The following ZNF385D variants were observed in gnomAD, a reference collection of about 807,000 sequenced individuals.
ZNF385D encodes the protein zinc finger protein 385D.
Under a neutral mutation model 35.8 loss-of-function variants are expected in ZNF385D, and 15 were observed. That is an observed-to-expected ratio of 0.42 (90% confidence interval 0.28 to 0.64). The LOEUF (loss-of-function observed/expected upper bound fraction) is 0.64, where lower values mean the gene tolerates loss of function less well. ZNF385D is among the 30% of genes least tolerant of loss of function. The pLI, the probability that ZNF385D is intolerant of heterozygous loss-of-function variation, is 0.23. For synonymous variants in ZNF385D, 212 were observed against 186.8 expected, an observed-to-expected ratio of 1.13 and a Z score of -1.10; for missense variants, 474 against 494.6, an observed-to-expected ratio of 0.96 and a Z score of 0.39.
At chr3:21,596,125 A>C (rs79680390) in intron 2 of ZNF385D, among the ~76,000 whole-genome samples, 194 of 152,330 alleles carry the variant, frequency 1.3e-3, no homozygotes, top group African/African-American at 4.4e-3. Flanking sequence ...TTTGTGTTTT[A>C]ACTAAAAGAA....
chr3:21,793,077 G>C (rs1445936563), intron 3 of ZNF385D, among the ~76,000 whole-genome samples: 1 of 152,160 alleles, frequency 6.6e-6, no homozygotes, highest in Non-Finnish European at 1.5e-5. Flanking sequence ...TTCTAAATGA[G>C]ATAATTTGTG....
At chr3:21,903,276 AACAG>A (rs1052608526) in intron 3 of ZNF385D, among the ~76,000 whole-genome samples, 9 of 152,268 alleles carry the variant, frequency 5.9e-5, no homozygotes, top group Non-Finnish European at 1.2e-4. Context: ...TTCTCTTTCA[AACAG>A]ACTATTATAG....
chr3:22,298,388 G>C (rs1306045282), intron 2 of ZNF385D, among the ~76,000 whole-genome samples: 2 of 142,786 alleles, frequency 1.4e-5, no homozygotes, highest in African/African-American at 2.5e-5. Context: ...GTGTGTGTGT[G>C]TGTGTGTATA....
intron 3 of ZNF385D, among the ~76,000 whole-genome samples, chr3:22,087,718 T>TTTATTTTAGCTTG (rs1210423312): frequency 6.6e-6 from 1 of 152,190 alleles, no homozygotes; most frequent in Non-Finnish European, 1.5e-5. Context: ...TGGGTTTTGT[T>TTTATTTTAGCTTG]ACTTGAAGTC....
At chr3:21,854,720 C>A (rs982545003) in intron 3 of ZNF385D, among the ~76,000 whole-genome samples, 6 of 151,870 alleles carry the variant, frequency 4.0e-5, no homozygotes, top group African/African-American at 1.4e-4. Context: ...TTTTCCATTT[C>A]AGTTCCCAGG....
chr3:21,751,300 C>A, upstream of ZNF385D: 3 of 1,089,584 alleles, frequency 2.8e-6, no homozygotes, highest in Non-Finnish European at 3.4e-6. Context: ...CCTGCCTGGA[C>A]CAACCATGGC....
At chr3:21,936,480 C>G (rs569264687) in intron 3 of ZNF385D, among the ~76,000 whole-genome samples, 5 of 151,922 alleles carry the variant, frequency 3.3e-5, no homozygotes, top group African/African-American at 1.2e-4. Context: ...TAGCCCTACT[C>G]TGTGAGATAA....
chr3:21,697,261 T>C (rs1358837653), intron 1 of ZNF385D, among the ~76,000 whole-genome samples: 1 of 152,228 alleles, frequency 6.6e-6, no homozygotes, highest in African/African-American at 2.4e-5. Flanking sequence ...ATATTGCAGA[T>C]ACAACAGTGA....
At chr3:22,091,510 C>T (rs1407270583) in intron 3 of ZNF385D, among the ~76,000 whole-genome samples, 2 of 152,052 alleles carry the variant, frequency 1.3e-5, no homozygotes, top group African/African-American at 4.8e-5. Context: ...AGATCTTCGG[C>T]AGTGTCCACT....
intron 2 of ZNF385D, among the ~76,000 whole-genome samples, chr3:22,280,445 A>T: frequency 6.6e-6 from 1 of 151,622 alleles, no homozygotes; most frequent in East Asian, 1.9e-4. Flanking sequence ...TGACTTTTGT[A>T]AAAGGTAAGA....
chr3:22,200,640 G>T (rs934441213), intron 2 of ZNF385D, among the ~76,000 whole-genome samples: 1 of 152,080 alleles, frequency 6.6e-6, no homozygotes, highest in African/African-American at 2.4e-5. Flanking sequence ...AAATTTATTA[G>T]GTGGGAATTT....
At chr3:21,633,665 T>C (rs2065345258) in intron 2 of ZNF385D, among the ~76,000 whole-genome samples, 1 of 152,106 alleles carries the variant, frequency 6.6e-6, no homozygotes, top group African/African-American at 2.4e-5. Context: ...ATTTAGGCAA[T>C]CAATAAATTC....
intron 3 of ZNF385D, among the ~76,000 whole-genome samples, chr3:21,788,007 A>T (rs1255563337): frequency 6.6e-6 from 1 of 150,822 alleles, no homozygotes; most frequent in Non-Finnish European, 1.5e-5. Flanking sequence ...AATAGTTAAT[A>T]ACCTCAGAGA....
intron 3 of ZNF385D, among the ~76,000 whole-genome samples, chr3:21,811,408 A>G (rs2072916808): frequency 6.6e-6 from 1 of 152,326 alleles, no homozygotes; most frequent in South Asian, 2.1e-4. Flanking sequence ...TATTATAGTC[A>G]GGTCAAAAGA....
intron 3 of ZNF385D, among the ~76,000 whole-genome samples, chr3:21,937,670 T>A (rs930480156): frequency 6.7e-6 from 1 of 150,120 alleles, no homozygotes; most frequent in African/African-American, 2.4e-5. Flanking sequence ...GTTATTTTCA[T>A]GAAATTAAAG....
chr3:21,626,743 T>C (rs550186223), intron 2 of ZNF385D, among the ~76,000 whole-genome samples: 2 of 152,062 alleles, frequency 1.3e-5, no homozygotes, highest in African/African-American at 4.8e-5. Context: ...GAGTTCAAAA[T>C]GGATGAAAAT....
chr3:21,926,011 C>A (rs1282368388), intron 3 of ZNF385D, among the ~76,000 whole-genome samples: 1 of 152,064 alleles, frequency 6.6e-6, no homozygotes, highest in Non-Finnish European at 1.5e-5. Flanking sequence ...AAATCTGGAT[C>A]ACTTATACGT....
intron 3 of ZNF385D, among the ~76,000 whole-genome samples, chr3:21,994,025 C>T (rs758603790): frequency 3.9e-5 from 6 of 152,132 alleles, no homozygotes; most frequent in Non-Finnish European, 5.9e-5. Flanking sequence ...TTTCCAAGAC[C>T]CTTCTAAGAA....
chr3:22,193,478 T>C (rs1325769841), intron 2 of ZNF385D, among the ~76,000 whole-genome samples: 1 of 152,110 alleles, frequency 6.6e-6, no homozygotes, highest in Non-Finnish European at 1.5e-5. Flanking sequence ...GCATGAGATC[T>C]AAGTACAAAT....
Sources: allele counts gnomAD v4.1 joint callset (sites outside exome capture counted in the v4.1 genomes callset), GRCh38; gene constraint gnomAD v4.1.1; transcripts MANE v1.5; gene names NCBI Gene and HGNC (gene_info 2026-07-23, HGNC 2026-07-21).